The following TMEM131 variants were observed in gnomAD, a reference collection of about 807,000 sequenced individuals.
TMEM131 encodes the protein transmembrane protein 131.
TMEM131 carries 66 observed loss-of-function variants against 211.6 expected under a neutral mutation model. The ratio of observed to expected loss-of-function variants is 0.31; its 90% CI spans 0.26 to 0.38. The LOEUF (loss-of-function observed/expected upper bound fraction) is 0.38, where lower values mean the gene tolerates loss of function less well. TMEM131 is among the 10% of genes least tolerant of loss of function. The probability of loss-of-function intolerance (pLI) is 1.00; values close to 1 mark genes in which losing one functional copy is unlikely to be tolerated. For missense variants in TMEM131, 2,036 were observed against 2,299.3 expected (o/e 0.89, Z 2.34); for synonymous variants, 844 against 841.3 (o/e 1.00, Z -0.06).
chr2:97,920,535 G>A (rs1372230067), intron 2 of TMEM131, among the ~76,000 whole-genome samples: 1 of 152,194 alleles, frequency 6.6e-6, no homozygotes, highest in Non-Finnish European at 1.5e-5. Flanking sequence ...GTTTATGGAG[G>A]TTGTTCAAAA....
At chr2:97,871,442 G>A (rs1674485431) in intron 4 of TMEM131, among the ~76,000 whole-genome samples, 1 of 152,210 alleles carries the variant, frequency 6.6e-6, no homozygotes. Context: ...GGTTATCAGA[G>A]GGGCCTGAGA....
chr2:97,957,122 C>T (rs1185614043), intron 1 of TMEM131, among the ~76,000 whole-genome samples: 1 of 151,006 alleles, frequency 6.6e-6, no homozygotes, highest in Non-Finnish European at 1.5e-5. Context: ...AGTTATCCTA[C>T]AGCAATAATT....
chr2:97,953,229 G>A (rs1388170820), intron 1 of TMEM131, among the ~76,000 whole-genome samples: 6 of 152,140 alleles, frequency 3.9e-5, no homozygotes, highest in Non-Finnish European at 8.8e-5. Context: ...TCAGAAAAGT[G>A]CATTTTAAAA....
intron 1 of TMEM131, among the ~76,000 whole-genome samples, chr2:97,956,284 G>A (rs1358032080): frequency 6.6e-6 from 1 of 152,156 alleles, no homozygotes; most frequent in Non-Finnish European, 1.5e-5. Context: ...TGGTGCTAGA[G>A]CAACTGGACA....
chr2:97,781,928 C>T (rs760536499), intron 31 of TMEM131, among the ~76,000 whole-genome samples: 7 of 152,216 alleles, frequency 4.6e-5, no homozygotes, highest in Non-Finnish European at 1.0e-4. Context: ...ACGGTAAGAA[C>T]TGGGGTGCCA....
At chr2:97,849,707 C>A (rs558330749) in intron 5 of TMEM131, among the ~76,000 whole-genome samples, 4 of 139,400 alleles carry the variant, frequency 2.9e-5, no homozygotes, top group South Asian at 4.5e-4. Flanking sequence ...GTGTGTATAT[C>A]TCTCTCTCTC....
Position 97,844,247 on chromosome 2 carries a change from T to G in TMEM131, c.498A>C (p.Gly166=), listed in dbSNP as rs202141365. ...AAACTACATCAAATGATGTATTTCC[T>G]CCTGGAAGAATTTTCTGAAACAGAA... ...SFFQNRKILP[G]GNTSFDVVFL... The change falls in exon 6 of 41, where the codon GGA becomes GGC. Residue 166 remains glycine (G), a synonymous_variant. Coordinates refer to ENST00000186436, the MANE Select transcript of TMEM131 (RefSeq NM_015348.2). 89 of 1,282,250 alleles carry G rather than the reference T, an allele frequency of 6.9e-5. No individual in the cohort carries two copies. The African/African-American group carries it at 1.3e-3, about 19-fold the overall frequency. The allele number at this position is 1,282,250 out of a possible 1,614,324, so 79.4% of individuals were successfully genotyped here.
At chr2:97,791,808 C>CT (rs1478946635) in intron 31 of TMEM131, among the ~76,000 whole-genome samples, 1 of 152,060 alleles carries the variant, frequency 6.6e-6, no homozygotes, top group African/African-American at 2.4e-5. Context: ...GCAGGGTTGG[C>CT]TTTTTTTGCA....
intron 5 of TMEM131, among the ~76,000 whole-genome samples, chr2:97,854,165 G>A (rs930109202): frequency 1.3e-5 from 2 of 152,176 alleles, no homozygotes; most frequent in East Asian, 1.9e-4. Flanking sequence ...TGATCAGTCA[G>A]TGGCTGTCAA....
At chr2:97,911,707 ATTGTTT>A in intron 2 of TMEM131, 1 of 966,040 alleles carries the variant, frequency 1.0e-6, no homozygotes, top group Non-Finnish European at 1.2e-6. Context: ...GAAAATAAAT[ATTGTTT>A]TTGAAGTATA....
In TMEM131 at chr2:97,784,491, A is replaced by G. The variant is rs137876807; in HGVS notation, c.4144+7895T>C. Among the ~76,000 whole-genome samples, 929 of 152,276 alleles carry G rather than the reference A, an allele frequency of 6.1e-3. 2 individuals are homozygous for G. The highest frequency in any genetic ancestry group is 0.011 in the South Asian group (53 of 4,832). ...ATCTTGGAAGACTGGAAACTAAGCAACACACTTCTAAATTATTCATGGGTC... is the reference window on the plus strand; with the variant it reads ...ATCTTGGAAGACTGGAAACTAAGCAGCACACTTCTAAATTATTCATGGGTC... On this transcript the variant is annotated intron_variant, in intron 31 of 40. Transcript: ENST00000186436.
chr2:97,865,461 T>C (rs1674234233), intron 4 of TMEM131, among the ~76,000 whole-genome samples: 1 of 152,244 alleles, frequency 6.6e-6, no homozygotes, highest in African/African-American at 2.4e-5. Context: ...ATCCCGTCTA[T>C]CCTAGTTTGT....
intron 5 of TMEM131, among the ~76,000 whole-genome samples, chr2:97,855,213 C>A (rs924570776): frequency 5.9e-5 from 9 of 152,178 alleles, no homozygotes; most frequent in African/African-American, 2.2e-4. Context: ...ATGTTTTAAA[C>A]TGCAAAAGTA....
chr2:97,937,697 A>G (rs1677510650), intron 1 of TMEM131, among the ~76,000 whole-genome samples: 1 of 152,188 alleles, frequency 6.6e-6, no homozygotes, highest in Non-Finnish European at 1.5e-5. Context: ...AGAGCTCCAA[A>G]ACACAGGAAA....
chr2:97,917,405 A>G (rs2104404474), intron 2 of TMEM131, among the ~76,000 whole-genome samples: 1 of 152,324 alleles, frequency 6.6e-6, no homozygotes, highest in Non-Finnish European at 1.5e-5. Context: ...CTAAAAATCT[A>G]AGGCAATCTG....
intron 5 of TMEM131, among the ~76,000 whole-genome samples, chr2:97,855,832 T>C (rs1379335621): frequency 6.6e-6 from 1 of 152,226 alleles, no homozygotes; most frequent in Non-Finnish European, 1.5e-5. Context: ...TAAAATTCCA[T>C]ACTATTGCTA....
chr2:97,828,742 G>A (rs1003073980), intron 11 of TMEM131, among the ~76,000 whole-genome samples: 37 of 152,180 alleles, frequency 2.4e-4, no homozygotes, highest in Admixed American at 3.9e-4. Context: ...ATACTACAGC[G>A]TTTACAGGAA....
intron 30 of TMEM131, 93 bp downstream of exon 30, chr2:97,793,302 T>G: frequency 7.3e-7 from 1 of 1,364,774 alleles, no homozygotes; most frequent in Non-Finnish European, 1.0e-6. Flanking sequence ...TTTTTTCTCC[T>G]GAGCAAAGAT....
At chr2:97,809,266 C>T (rs1239589553) in intron 19 of TMEM131, among the ~76,000 whole-genome samples, 1 of 152,174 alleles carries the variant, frequency 6.6e-6, no homozygotes, top group African/African-American at 2.4e-5. Flanking sequence ...TCACTATTGC[C>T]TGAACCAACT....
Sources: allele counts gnomAD v4.1 joint callset (sites outside exome capture counted in the v4.1 genomes callset), GRCh38; gene constraint gnomAD v4.1.1; transcripts MANE v1.5; gene names NCBI Gene and HGNC (gene_info 2026-07-23, HGNC 2026-07-21).